Variants in SAMD4A observed in about 807,000 individuals in gnomAD.
SAMD4A encodes protein Smaug homolog 1.
In SAMD4A, 33 loss-of-function variants were observed where a neutral mutation model predicts 81.3. That is an observed-to-expected ratio of 0.41 (90% CI 0.31 to 0.54). The LOEUF (loss-of-function observed/expected upper bound fraction) is 0.54, where lower values mean the gene tolerates loss of function less well. Among genes scored for constraint, SAMD4A ranks in the 20% least tolerant of loss-of-function variants. The pLI is 0.37. For synonymous variants in SAMD4A, 389 were observed against 382.1 expected, an observed-to-expected ratio of 1.02 and a Z score of -0.21; for missense variants, 854 against 951.1, an observed-to-expected ratio of 0.90 and a Z score of 1.34.
At chr14:54,715,671 A>G (rs1192648794) in intron 3 of SAMD4A, among the ~76,000 whole-genome samples, 2 of 152,186 alleles carry the variant, frequency 1.3e-5, no homozygotes, top group South Asian at 2.1e-4. Context: ...AAAAATATAT[A>G]AAATGAGAAA....
At chr14:54,684,988 G>A (rs1243125549) in intron 2 of SAMD4A, among the ~76,000 whole-genome samples, 1 of 152,206 alleles carries the variant, frequency 6.6e-6, no homozygotes, top group African/African-American at 2.4e-5. Flanking sequence ...GCAGGGGCCT[G>A]GAAATCATAC....
intron 6 of SAMD4A, 69 bp downstream of exon 6, chr14:54,751,606 T>C: frequency 1.0e-6 from 1 of 1,004,990 alleles, no homozygotes; most frequent in Middle Eastern, 2.1e-4. Context: ...AATTCTCCAC[T>C]GGAAGTGTCA....
At chr14:54,589,260 G>C (rs1192881779) in intron 2 of SAMD4A, among the ~76,000 whole-genome samples, 2 of 152,154 alleles carry the variant, frequency 1.3e-5, no homozygotes, top group Non-Finnish European at 2.9e-5. Flanking sequence ...GGAATGACTG[G>C]AGATGAGGAT....
intron 4 of SAMD4A, among the ~76,000 whole-genome samples, chr14:54,744,005 C>T (rs2037906722): frequency 6.6e-6 from 1 of 152,238 alleles, no homozygotes; most frequent in Non-Finnish European, 1.5e-5. Context: ...TGGCTTTCCT[C>T]TTCTCCCCCT....
chr14:54,637,918 A>G (rs2035075404), intron 2 of SAMD4A, among the ~76,000 whole-genome samples: 1 of 152,180 alleles, frequency 6.6e-6, no homozygotes, highest in Non-Finnish European at 1.5e-5. Context: ...CCAATAAACA[A>G]CGTGTGCACA....
intron 2 of SAMD4A, among the ~76,000 whole-genome samples, chr14:54,674,893 CCCGTG>C (rs1303350489): frequency 6.6e-6 from 1 of 152,144 alleles, no homozygotes; most frequent in Non-Finnish European, 1.5e-5. Context: ...GAATATTAGG[CCCGTG>C]CCATGATGCC....
chr14:54,621,425 C>T (rs990687372), intron 2 of SAMD4A, among the ~76,000 whole-genome samples: 2 of 152,190 alleles, frequency 1.3e-5, no homozygotes, highest in Admixed American at 6.5e-5. Flanking sequence ...TCTCAGCTCA[C>T]TGCGACCTCC....
At chr14:54,585,034 T>C (rs747368756) in intron 2 of SAMD4A, among the ~76,000 whole-genome samples, 3 of 152,238 alleles carry the variant, frequency 2.0e-5, no homozygotes, top group African/African-American at 7.2e-5. Context: ...TCTTCTACCA[T>C]ACACAAATTT....
At chr14:54,718,982 G>T (rs2037192051) in intron 3 of SAMD4A, among the ~76,000 whole-genome samples, 1 of 148,140 alleles carries the variant, frequency 6.8e-6, no homozygotes. Context: ...TAGCCTGGGT[G>T]ACAGAGCGAA....
At chr14:54,675,772 G>A (rs2035981322) in intron 2 of SAMD4A, among the ~76,000 whole-genome samples, 1 of 152,164 alleles carries the variant, frequency 6.6e-6, no homozygotes, top group Admixed American at 6.5e-5. Flanking sequence ...CAGTACAAAT[G>A]AGCTTGCCAT....
At chr14:54,643,763 C>T (rs1019753268) in intron 2 of SAMD4A, among the ~76,000 whole-genome samples, 3 of 152,192 alleles carry the variant, frequency 2.0e-5, no homozygotes, top group African/African-American at 7.2e-5. Flanking sequence ...AAGGAAGTCA[C>T]AGGGATTTGA....
chr14:54,657,607 T>C (rs776880891), intron 2 of SAMD4A, among the ~76,000 whole-genome samples: 5 of 152,220 alleles, frequency 3.3e-5, no homozygotes, highest in African/African-American at 9.6e-5. Context: ...TTGTCAAGAC[T>C]GTGTTGGGTT....
chr14:54,573,452 T>C (rs552024118), intron 2 of SAMD4A, among the ~76,000 whole-genome samples: 2 of 152,230 alleles, frequency 1.3e-5, no homozygotes, highest in African/African-American at 4.8e-5. Context: ...CTAGAGAGAA[T>C]TGACAACACC....
chr14:54,591,643 T>C (rs773493225), intron 2 of SAMD4A, among the ~76,000 whole-genome samples: 58 of 152,222 alleles, frequency 3.8e-4, no homozygotes, highest in Non-Finnish European at 6.6e-4. Flanking sequence ...AGCTGCCCCA[T>C]TCATGGTGAT....
intron 2 of SAMD4A, among the ~76,000 whole-genome samples, chr14:54,660,505 A>G (rs1400550087): frequency 1.3e-5 from 2 of 152,212 alleles, no homozygotes; most frequent in Non-Finnish European, 2.9e-5. Flanking sequence ...CAGGAGTCCA[A>G]GGAGCTTTGA....
intron 6 of SAMD4A, among the ~76,000 whole-genome samples, chr14:54,754,000 C>T (rs909905817): frequency 3.3e-5 from 5 of 152,180 alleles, no homozygotes; most frequent in African/African-American, 1.2e-4. Flanking sequence ...GATTTCATTG[C>T]TAAGTGTTAT....
intron 11 of SAMD4A, among the ~76,000 whole-genome samples, chr14:54,777,608 T>TG (rs976959831): frequency 1.8e-4 from 27 of 151,404 alleles, no homozygotes; most frequent in African/African-American, 4.9e-4. Flanking sequence ...CCACTCTCCC[T>TG]GGGGGGATTC....
intron 2 of SAMD4A, among the ~76,000 whole-genome samples, chr14:54,649,915 T>A (rs955597343): frequency 2.0e-5 from 3 of 152,234 alleles, no homozygotes; most frequent in Admixed American, 6.5e-5. Context: ...ATCTTGGGTT[T>A]ATTTGGCATT....
intron 3 of SAMD4A, among the ~76,000 whole-genome samples, chr14:54,736,149 A>G (rs1410042324): frequency 1.3e-5 from 2 of 152,148 alleles, no homozygotes; most frequent in Non-Finnish European, 2.9e-5. Context: ...CCTCCCTCGA[A>G]TGACTTCAAT....
Sources: allele counts gnomAD v4.1 joint callset (sites outside exome capture counted in the v4.1 genomes callset), GRCh38; gene constraint gnomAD v4.1.1; transcripts MANE v1.5; gene names NCBI Gene and HGNC (gene_info 2026-07-23, HGNC 2026-07-21).